Variants in ZNF385D observed in about 807,000 individuals in gnomAD.
ZNF385D encodes the protein zinc finger protein 385D, also known as zinc finger protein 659.
A neutral mutation model predicts 35.8 loss-of-function variants in ZNF385D; 15 were observed. The ratio of observed to expected loss-of-function variants is 0.42; its 90% CI spans 0.28 to 0.64. ZNF385D has a LOEUF of 0.64. ZNF385D is among the 30% of genes least tolerant of loss of function. The pLI, the probability that ZNF385D is intolerant of heterozygous loss-of-function variation, is 0.23. For synonymous variants in ZNF385D, 212 were observed against 186.8 expected, an observed-to-expected ratio of 1.13 and a Z score of -1.10; for missense variants, 474 against 494.6, an observed-to-expected ratio of 0.96 and a Z score of 0.39.
chr3:22,158,407 T>C lies in ZNF385D; in HGVS notation c.325+10410A>G, dbSNP rs1705727462. 5.3e-5 allele frequency among the ~76,000 whole-genome samples: 8 copies of C among 152,184 alleles called. No homozygotes were observed. In the South Asian group the frequency reaches 1.7e-3, roughly 32 times the overall value. On this transcript the variant is annotated intron_variant, in intron 3 of 5. Coordinates refer to the ZNF385D transcript ENST00000494108. Reference sequence around the variant, plus strand: ...TTGTGTTTAGGTCCAGTGTTTTATCTCATTTTTATCCCATTTCTTTTACTC... The same window carrying C: ...TTGTGTTTAGGTCCAGTGTTTTATCCCATTTTTATCCCATTTCTTTTACTC...
intron 2 of ZNF385D, among the ~76,000 whole-genome samples, chr3:21,636,378 T>TTATATATATATATG (rs1319841111): frequency 4.2e-5 from 2 of 47,984 alleles, no homozygotes; most frequent in Admixed American, 3.3e-4. Context: ...ATATATATGA[T>TTATATATATATATG]TATATATATA....
intron 4 of ZNF385D, among the ~76,000 whole-genome samples, chr3:21,439,132 AT>A (rs893388064): frequency 6.6e-5 from 10 of 152,032 alleles, no homozygotes; most frequent in Non-Finnish European, 1.2e-4. Context: ...AAATAATTTC[AT>A]TTTTTATTGT....
At chr3:21,932,870 C>G (rs1370497834) in intron 3 of ZNF385D, among the ~76,000 whole-genome samples, 1 of 152,064 alleles carries the variant, frequency 6.6e-6, no homozygotes, top group Non-Finnish European at 1.5e-5. Flanking sequence ...TGATATTAAC[C>G]ATCACAATAA....
chr3:21,956,100 C>G (rs1350965977), intron 3 of ZNF385D, among the ~76,000 whole-genome samples: 1 of 151,884 alleles, frequency 6.6e-6, no homozygotes, highest in Non-Finnish European at 1.5e-5. Flanking sequence ...GTGAGAGGAT[C>G]TGCTTGAGCC....
chr3:22,258,401 T>A (rs1196892963), intron 2 of ZNF385D, among the ~76,000 whole-genome samples: 1 of 151,822 alleles, frequency 6.6e-6, no homozygotes, highest in Admixed American at 6.6e-5. Context: ...GGTTATAAAG[T>A]AAATTGTGAA....
At chr3:22,050,916 AACTAT>A (rs1699314041) in intron 3 of ZNF385D, among the ~76,000 whole-genome samples, 1 of 25,384 alleles carries the variant, frequency 3.9e-5, no homozygotes, top group Non-Finnish European at 8.4e-5. Context: ...CTTTACTTCC[AACTAT>A]GTGGTCAATT....
At chr3:22,314,446 A>C (rs568500945) in intron 2 of ZNF385D, among the ~76,000 whole-genome samples, 17 of 152,312 alleles carry the variant, frequency 1.1e-4, no homozygotes, top group African/African-American at 3.6e-4. Flanking sequence ...AGTGAATGCC[A>C]TTAATTCATT....
At chr3:22,166,034 C>T (rs1285378432) in intron 3 of ZNF385D, among the ~76,000 whole-genome samples, 1 of 133,182 alleles carries the variant, frequency 7.5e-6, no homozygotes, top group Non-Finnish European at 1.8e-5. Context: ...CCCCTAATTC[C>T]TAGTCACCAA....
At chr3:21,793,251 C>T (rs568400083) in intron 3 of ZNF385D, among the ~76,000 whole-genome samples, 6 of 152,204 alleles carry the variant, frequency 3.9e-5, no homozygotes, top group East Asian at 3.9e-4. Flanking sequence ...TTGGGTTCCT[C>T]GTTTATTAAT....
At chr3:21,458,847 TC>T (rs887791195) in intron 4 of ZNF385D, among the ~76,000 whole-genome samples, 7 of 151,962 alleles carry the variant, frequency 4.6e-5, no homozygotes, top group African/African-American at 1.7e-4. Flanking sequence ...GTATGTGGTT[TC>T]TTTAGGGGGT....
chr3:22,204,404 C>T (rs1262007576), intron 2 of ZNF385D, among the ~76,000 whole-genome samples: 2 of 151,988 alleles, frequency 1.3e-5, no homozygotes, highest in Non-Finnish European at 2.9e-5. Flanking sequence ...AACAAACAAT[C>T]CCAGATTGTG....
chr3:21,999,062 G>C (rs539252304), intron 3 of ZNF385D, among the ~76,000 whole-genome samples: 2 of 152,286 alleles, frequency 1.3e-5, no homozygotes, highest in African/African-American at 4.8e-5. Context: ...AGTCCTGTCT[G>C]CTTTTACCAG....
At chr3:21,636,522 T>C (rs574171298) in intron 2 of ZNF385D, among the ~76,000 whole-genome samples, 1 of 150,590 alleles carries the variant, frequency 6.6e-6, no homozygotes, top group African/African-American at 2.4e-5. Context: ...GCTGAAGAAC[T>C]TGGAGTCTGA....
chr3:21,611,782 A>G (rs2064687422), intron 2 of ZNF385D, among the ~76,000 whole-genome samples: 1 of 152,078 alleles, frequency 6.6e-6, no homozygotes, highest in South Asian at 2.1e-4. Flanking sequence ...AGAGAGAAGG[A>G]AGGGAAGATA....
At chr3:21,760,943 A>T (rs1027425298) in intron 3 of ZNF385D, among the ~76,000 whole-genome samples, 2 of 152,222 alleles carry the variant, frequency 1.3e-5, no homozygotes, top group Non-Finnish European at 2.9e-5. Flanking sequence ...CCGTGTAAAC[A>T]GTAGAACATT....
Position 21,416,852 on chromosome 3 carries a change from C to G in ZNF385D, c.*4362G>C, listed in dbSNP as rs1700570450. ...TTCCTATTGAAGAGAGAAAGTGCAA[C>G]AAAAGAAATAAGGATGATGCATTTA... On this transcript the variant is annotated 3_prime_UTR_variant, in exon 8 of 8. Coordinates refer to ENST00000281523, the MANE Select transcript of ZNF385D (RefSeq NM_024697.3). The G allele has an allele frequency of 6.6e-6, 1 of 152,080 alleles. No homozygotes were observed. The highest frequency in any genetic ancestry group is 1.5e-5 in the Non-Finnish European group (1 of 67,998). 9.4% of individuals were successfully genotyped at this position (152,080 alleles called of 1,614,324 possible).
intron 3 of ZNF385D, among the ~76,000 whole-genome samples, chr3:21,906,052 G>T (rs978010248): frequency 3.3e-5 from 5 of 152,122 alleles, no homozygotes; most frequent in Non-Finnish European, 5.9e-5. Flanking sequence ...AATTTCTTCT[G>T]CTTAGAAAGA....
At chr3:22,122,222 T>C (rs968548953) in intron 3 of ZNF385D, among the ~76,000 whole-genome samples, 1 of 152,172 alleles carries the variant, frequency 6.6e-6, no homozygotes, top group Non-Finnish European at 1.5e-5. Flanking sequence ...TTACCTTCTT[T>C]CTACCAGAAC....
intron 2 of ZNF385D, among the ~76,000 whole-genome samples, chr3:22,243,473 C>T (rs187040914): frequency 6.6e-6 from 1 of 150,730 alleles, no homozygotes; most frequent in Admixed American, 6.6e-5. Flanking sequence ...GTAATTATAC[C>T]CTATAGCAAC....
Sources: gnomAD v4.1 joint callset for allele counts (sites outside exome capture counted in the v4.1 genomes callset) on GRCh38, gnomAD v4.1.1 for gene constraint, MANE v1.5 for transcripts, NCBI Gene and HGNC (gene_info 2026-07-23, HGNC 2026-07-21) for gene names.